The following LTBP1 variants were observed in gnomAD, a reference collection of about 807,000 sequenced individuals.
LTBP1 encodes latent transforming growth factor beta binding protein 1.
Under a neutral mutation model 207.6 loss-of-function variants are expected in LTBP1, and 129 were observed. That is an observed-to-expected ratio of 0.62 (90% CI 0.54 to 0.72). The LOEUF (loss-of-function observed/expected upper bound fraction) is 0.72, where lower values mean the gene tolerates loss of function less well. Among genes scored for constraint, LTBP1 ranks in the 30% least tolerant of loss-of-function variants. The pLI is 0.00. For missense variants in LTBP1, 2,281 were observed against 2,217.2 expected (o/e 1.03, Z -0.58); for synonymous variants, 963 against 833.7 (o/e 1.16, Z -2.67).
intron 4 of LTBP1, among the ~76,000 whole-genome samples, chr2:33,114,581 A>G (rs2080625215): frequency 6.6e-6 from 1 of 152,178 alleles, no homozygotes; most frequent in Admixed American, 6.5e-5. Flanking sequence ...CCTCCAGAGC[A>G]TGACAATTCT....
At chr2:33,196,524 G>A (rs1438225632) in intron 7 of LTBP1, among the ~76,000 whole-genome samples, 2 of 151,966 alleles carry the variant, frequency 1.3e-5, no homozygotes, top group African/African-American at 4.8e-5. Context: ...AATCTAAGAA[G>A]TCAAGTTGAA....
intron 3 of LTBP1, among the ~76,000 whole-genome samples, chr2:33,025,209 A>G (rs1034153166): frequency 1.3e-5 from 2 of 152,186 alleles, no homozygotes; most frequent in African/African-American, 2.4e-5. Context: ...GTGAGTTGCT[A>G]AGTCTAGTCC....
intron 3 of LTBP1, among the ~76,000 whole-genome samples, chr2:33,036,696 G>T (rs1573226873): frequency 6.6e-6 from 1 of 152,266 alleles, no homozygotes; most frequent in South Asian, 2.1e-4. Context: ...GACCTCAGTT[G>T]ATCCACCCAC....
chr2:33,349,549 AACCCCATC>A (rs1461826387), intron 26 of LTBP1, among the ~76,000 whole-genome samples: 2 of 152,170 alleles, frequency 1.3e-5, no homozygotes, highest in Non-Finnish European at 2.9e-5. Context: ...ATCCTGCATA[AACCCCATC>A]TGTTATGTAT....
At chr2:33,197,161 A>C (rs1041703977) in intron 7 of LTBP1, among the ~76,000 whole-genome samples, 7 of 152,228 alleles carry the variant, frequency 4.6e-5, no homozygotes, top group African/African-American at 1.4e-4. Context: ...CTCTATAGGC[A>C]TCACTAAATC....
At position 33,134,874 on chromosome 2, in the gene LTBP1, A is replaced by G; in HGVS notation, c.1115A>G (p.Asn372Ser). The change falls in exon 5 of 34, where the codon AAC (asparagine) becomes AGC (serine). Residue 372 changes from asparagine to serine, a missense_variant. This residue lies in a region of LTBP1 where 55 missense variants were observed against 91.5 expected (regional missense o/e 0.60). Coordinates refer to ENST00000404816, the MANE Select transcript of LTBP1 (RefSeq NM_206943.4). This position sits in a 1 kb window ranked among gnomAD's most constrained non-coding sequence, Gnocchi z 4.4. ...KVTCTKGSCQ[N>S]SCEKGNTTTL... ...ACCTGCACCAAGGGCAGCTGTCAGA[A>G]CAGCTGTGAGAAGGGGAACACCACC... 6.2e-7 allele frequency: 1 copy of G among 1,614,104 alleles called. No homozygotes were observed. Among genetic ancestry groups the G allele is most frequent in the Non-Finnish European group, 8.5e-7 (1 of 1,180,028 alleles).
intron 5 of LTBP1, among the ~76,000 whole-genome samples, chr2:33,173,395 T>G (rs933317724): frequency 2.0e-4 from 31 of 151,946 alleles, no homozygotes; most frequent in South Asian, 6.2e-4. Flanking sequence ...AAATAAACTA[T>G]AAAATCTAGA....
At chr2:33,166,589 A>C (rs572978563) in intron 5 of LTBP1, among the ~76,000 whole-genome samples, 6 of 152,220 alleles carry the variant, frequency 3.9e-5, no homozygotes, top group Non-Finnish European at 8.8e-5. Context: ...TCTGAGCTAC[A>C]TCTCGAGAGT....
intron 2 of LTBP1, among the ~76,000 whole-genome samples, chr2:33,000,221 A>G (rs1221472182): frequency 7.4e-6 from 1 of 135,294 alleles, no homozygotes; most frequent in African/African-American, 2.6e-5. Context: ...CTAATTCAGT[A>G]GGACTGGCGA....
At chr2:33,004,786 A>AAATATATATATATATAT (rs1686542350) in intron 2 of LTBP1, among the ~76,000 whole-genome samples, 3 of 101,128 alleles carry the variant, frequency 3.0e-5, no homozygotes, top group Non-Finnish European at 3.8e-5. Flanking sequence ...AAAAAAAAGG[A>AAATATATATATATATAT]ATATATATAT....
intron 7 of LTBP1, among the ~76,000 whole-genome samples, chr2:33,211,051 T>A (rs2090271146): frequency 1.3e-5 from 2 of 152,234 alleles, no homozygotes; most frequent in South Asian, 4.1e-4. Context: ...TATTTTATAC[T>A]TTATTATATA....
In LTBP1 at chr2:33,273,717, A is replaced by C. The variant is rs1281116995; in HGVS notation, c.2679A>C (p.Pro893=). The change falls in exon 16 of 34, where the codon CCA becomes CCC. Residue 893 remains proline (P), a synonymous_variant. Transcript: ENST00000404816. ...GAGCAGGACACTGCATTAACCTACC[A>C]GTGAGATATACCTGTATATGCTACG... is the stretch of plus-strand genomic sequence containing the variant. The part of the protein sequence containing the change: ...ICGAGHCINL[P]VRYTCICYEG... 1.2e-6 allele frequency: 2 copies of C among 1,612,164 alleles called. No homozygotes were observed. Among genetic ancestry groups the C allele is most frequent in the African/African-American group, 2.7e-5 (2 of 74,888 alleles).
chr2:33,046,839 G>C (rs1194629416), intron 3 of LTBP1, among the ~76,000 whole-genome samples: 1 of 152,096 alleles, frequency 6.6e-6, no homozygotes, highest in Non-Finnish European at 1.5e-5. Context: ...GTTTAGTCTT[G>C]GGAGGGTGTA....
chr2:32,974,447 A>G (rs961799698), intron 2 of LTBP1, among the ~76,000 whole-genome samples: 1 of 152,094 alleles, frequency 6.6e-6, no homozygotes, highest in Non-Finnish European at 1.5e-5. Context: ...TATTTTTTCT[A>G]TAGAGTTGTT....
At chr2:33,307,184 T>C (rs1230523440) in intron 22 of LTBP1, among the ~76,000 whole-genome samples, 1 of 152,244 alleles carries the variant, frequency 6.6e-6, no homozygotes, top group African/African-American at 2.4e-5. Context: ...TTCTCATATG[T>C]TTCCTGTGGG....
At chr2:33,297,984 A>G (rs2093913681) in intron 20 of LTBP1, among the ~76,000 whole-genome samples, 1 of 152,148 alleles carries the variant, frequency 6.6e-6, no homozygotes, top group Non-Finnish European at 1.5e-5. Context: ...TCATGATTAA[A>G]CTGGGGTCAT....
rs186291619 is a variant in LTBP1 at position 32,983,866 on chromosome 2, A to G, written c.565+34921A>G. On this transcript the variant is annotated intron_variant, in intron 2 of 33. Transcript: ENST00000404816. ...CCAGTCTTGGGTGTTTCTTCATAGC[A>G]GTATGAAAATGGACTAATACATTCT... is the stretch of plus-strand genomic sequence containing the variant. Among the ~76,000 whole-genome samples the G allele has an allele frequency of 2.5e-3, 378 of 152,356 alleles. 1 individual carries two copies. Among genetic ancestry groups the G allele is most frequent in the South Asian group, 0.018 (85 of 4,824 alleles).
At chr2:33,248,586 ATTT>A (rs201927841) in intron 10 of LTBP1, among the ~76,000 whole-genome samples, 7 of 140,652 alleles carry the variant, frequency 5.0e-5, no homozygotes, top group Non-Finnish European at 4.7e-5. Flanking sequence ...TTCTCCACGA[ATTT>A]TTTTTTTTTT....
At chr2:33,209,141 G>A (rs1558818123) in intron 7 of LTBP1, among the ~76,000 whole-genome samples, 1 of 152,060 alleles carries the variant, frequency 6.6e-6, no homozygotes, top group Non-Finnish European at 1.5e-5. Context: ...CCAAAGTGCT[G>A]GGATTACAGG....
Sources: gnomAD v4.1 joint callset for allele counts (sites outside exome capture counted in the v4.1 genomes callset) on GRCh38, gnomAD v4.1.1 for gene constraint, gnomAD v4.1.1 regional missense constraint, Gnocchi (gnomAD v3.1) non-coding constraint, MANE v1.5 for transcripts, NCBI Gene and HGNC (gene_info 2026-07-23, HGNC 2026-07-21) for gene names.